Variants in CNNM3 observed in about 807,000 individuals in gnomAD.
The protein encoded by CNNM3 is cyclin and CBS domain divalent metal cation transport mediator 3, also known as metal transporter CNNM3.
In CNNM3, 47 loss-of-function variants were observed where a neutral mutation model predicts 57.1. The observed-to-expected ratio is 0.82, with a 90% CI of 0.65 to 1.05. CNNM3 has a LOEUF of 1.05. Among genes scored for constraint, CNNM3 ranks in the 50% least tolerant of loss-of-function variants. The pLI is 0.00. For missense variants in CNNM3, 957 were observed against 973.7 expected (o/e 0.98, Z 0.23); for synonymous variants, 507 against 478.2 (o/e 1.06, Z -0.79).
intron 1 of CNNM3, among the ~76,000 whole-genome samples, chr2:96,820,558 AAGG>A (rs2079390316): frequency 1.3e-5 from 2 of 152,140 alleles, no homozygotes; most frequent in Non-Finnish European, 2.9e-5. Flanking sequence ...AAGACCAAGG[AAGG>A]AGGAGTTCCC....
intron 1 of CNNM3, among the ~76,000 whole-genome samples, chr2:96,824,105 G>C (rs1166144962): frequency 6.6e-6 from 1 of 152,100 alleles, no homozygotes; most frequent in Non-Finnish European, 1.5e-5. Context: ...TAGGTGGCTT[G>C]CATTCTGTTT....
At chr2:96,825,014 G>A (rs538333405) in intron 1 of CNNM3, 44 bp from the exon 2 acceptor site, 4 of 1,608,344 alleles carry the variant, frequency 2.5e-6, no homozygotes, top group African/African-American at 2.7e-5. Context: ...AATCAAACTG[G>A]GGGGGGCCCA....
At chr2:96,837,150 A>AT (rs1485621874), downstream of CNNM3, 1 of 152,186 alleles carries the variant, frequency 6.6e-6, no homozygotes, top group Non-Finnish European at 1.5e-5. Context: ...AGCTGGACTG[A>AT]TTCCTCCTCT....
intron 1 of CNNM3, among the ~76,000 whole-genome samples, chr2:96,820,874 G>A (rs1397389553): frequency 6.6e-6 from 1 of 152,196 alleles, no homozygotes; most frequent in East Asian, 1.9e-4. Flanking sequence ...TTGAAATGCA[G>A]GTTGAAATGT....
chr2:96,816,354 A>C lies in CNNM3; in HGVS notation c.77A>C (p.Glu26Ala). ...CTCTGCCTGGGCAACGCCGCGGGGG[A>C]GGCCGCGCCGGGCCCGCGAGTGCTG... ...AALCLGNAAG[E>A]AAPGPRVLGF... Residue 26 changes from glutamate to alanine, a missense_variant, in exon 1 of 8, where the codon GAG becomes GCG. This residue lies in a region of CNNM3 where 466 missense variants were observed against 403.1 expected (regional missense o/e 1.16). Coordinates refer to ENST00000305510, the MANE Select transcript of CNNM3 (RefSeq NM_017623.5). The C allele has an allele frequency of 1.5e-6, 2 of 1,290,704 alleles. No individual in the cohort carries two copies. The highest frequency in any genetic ancestry group is 2.0e-6 in the Non-Finnish European group (2 of 1,018,640). 80.0% of individuals were successfully genotyped at this position (1,290,704 alleles called of 1,614,324 possible). A position where few individuals can be genotyped will look rare whatever the true frequency, so the allele number is the denominator to read the frequency against.
In CNNM3 at chr2:96,816,371, C is replaced by A; in HGVS notation, c.94C>A (p.Arg32=). 4 of 1,329,066 alleles carry A rather than the reference C, an allele frequency of 3.0e-6. No homozygotes were observed. Among genetic ancestry groups the A allele is most frequent in the Non-Finnish European group, 2.9e-6 (3 of 1,039,088 alleles). The allele number at this position is 1,329,066 out of a possible 1,614,324, so 82.3% of individuals were successfully genotyped here. ...CGCGGGGGAGGCCGCGCCGGGCCCG[C>A]GAGTGCTGGGCTTCTGCCTGGAGGA... ...NAAGEAAPGP[R]VLGFCLEEDG... Residue 32 remains arginine (R), a synonymous_variant, in exon 1 of 8, where the codon CGA becomes AGA. Transcript: ENST00000305510.
chr2:96,831,103 G>A (rs143934733), intron 7 of CNNM3, among the ~76,000 whole-genome samples: 14 of 152,222 alleles, frequency 9.2e-5, no homozygotes, highest in African/African-American at 2.4e-4. Context: ...TCACTGGGCC[G>A]TCCTGTAAGA....
At chr2:96,829,243 C>G in intron 7 of CNNM3, 109 bp downstream of exon 7, 4 of 1,348,778 alleles carry the variant, frequency 3.0e-6, no homozygotes, top group Non-Finnish European at 3.8e-6. Flanking sequence ...TTTTTTCTCT[C>G]TTTTCTCCCC....
At chr2:96,827,455 G>A (rs1227066949) in intron 3 of CNNM3, among the ~76,000 whole-genome samples, 1 of 151,856 alleles carries the variant, frequency 6.6e-6, no homozygotes, top group African/African-American at 2.4e-5. Flanking sequence ...TTTAGTAGAG[G>A]CGGGGTTTTG....
intron 7 of CNNM3, 161 bp from the exon 8 acceptor site, chr2:96,832,391 C>G: frequency 2.0e-6 from 3 of 1,502,356 alleles, no homozygotes; most frequent in Non-Finnish European, 2.7e-6. Context: ...GGCTGACCAT[C>G]TGCTAACCAG....
intron 4 of CNNM3, 27 bp downstream of exon 4, chr2:96,827,927 C>T (rs1414207138): frequency 3.7e-6 from 6 of 1,603,668 alleles, no homozygotes; most frequent in Non-Finnish European, 5.1e-6. Context: ...GGCCTGGAGT[C>T]CCTCCTGCTT....
chr2:96,834,672 C>T lies in CNNM3; in HGVS notation c.*2056C>T, dbSNP rs995661648. On this transcript the variant is annotated 3_prime_UTR_variant, in exon 8 of 8. Coordinates refer to ENST00000305510, the MANE Select transcript of CNNM3 (RefSeq NM_017623.5). ...ATTCACAGAAGTTTCATACACCTTT[C>T]ACCCAGGTTCCCCTAATGTTAACAG... is the stretch of plus-strand genomic sequence containing the variant. Among the ~76,000 whole-genome samples, 2 of 152,082 alleles carry T rather than the reference C, an allele frequency of 1.3e-5. No homozygotes were observed. Among genetic ancestry groups the T allele is most frequent in the Admixed American group, 1.3e-4 (2 of 15,264 alleles).
intron 7 of CNNM3, among the ~76,000 whole-genome samples, chr2:96,831,225 C>T (rs1422569699): frequency 6.6e-6 from 1 of 152,210 alleles, no homozygotes; most frequent in African/African-American, 2.4e-5. Context: ...TTCAGTGAGG[C>T]TGGCCTGCTG....
At chr2:96,836,631 C>T (rs1482278082), downstream of CNNM3, 2 of 152,218 alleles carry the variant, frequency 1.3e-5, no homozygotes, top group Non-Finnish European at 2.9e-5. Flanking sequence ...CTGCCTGCCT[C>T]AACCTCCCAA....
chr2:96,821,212 T>C (rs186346608), intron 1 of CNNM3, among the ~76,000 whole-genome samples: 1 of 152,304 alleles, frequency 6.6e-6, no homozygotes, highest in East Asian at 1.9e-4. Flanking sequence ...TCTGCTTCTC[T>C]AGTTCAGTGC....
Position 96,827,818 on chromosome 2 carries a change from T to A in CNNM3, c.1607T>A (p.Phe536Tyr), listed in dbSNP as rs890225259. The A allele has an allele frequency of 6.2e-7, 1 of 1,614,068 alleles. No individual in the cohort carries two copies. The highest frequency in any genetic ancestry group is 8.5e-7 in the Non-Finnish European group (1 of 1,180,036). Residue 536 changes from phenylalanine to tyrosine, a missense_variant, in exon 4 of 8, where the codon TTT (phenylalanine) becomes TAT (tyrosine). Coordinates refer to ENST00000305510, the MANE Select transcript of CNNM3 (RefSeq NM_017623.5). ...KHPSVNQEVRFDESNRLATHH... is the reference protein window; with the variant it reads ...KHPSVNQEVRYDESNRLATHH... ...CCCAGTGTCAACCAGGAAGTGAGGT[T>A]TGACGAGAGCAACCGGCTGGCCACA...
At chr2:96,820,746 T>G (rs2079392590) in intron 1 of CNNM3, among the ~76,000 whole-genome samples, 1 of 152,128 alleles carries the variant, frequency 6.6e-6, no homozygotes, top group Admixed American at 6.5e-5. Context: ...CGAGAACCAA[T>G]GTAGACAGCC....
rs2079472970 is a variant in CNNM3, at chr2:96,824,937, G to C, written c.1226-121G>C. The C allele has an allele frequency of 2.7e-6, 3 of 1,092,910 alleles. No homozygotes were observed. In the East Asian group the frequency reaches 7.6e-5, roughly 28 times the overall value. 67.7% of individuals were successfully genotyped at this position (1,092,910 alleles called of 1,614,324 possible). On this transcript the variant is annotated intron_variant, in intron 1 of 7. Coordinates refer to ENST00000305510, the MANE Select transcript of CNNM3 (RefSeq NM_017623.5). ...AACCTAGAAAAGAGTGTGGCTCTGT[G>C]CCTGGCACGTTGTAGGAGCATGAAC...
intron 3 of CNNM3, 27 bp downstream of exon 3, chr2:96,827,009 C>T (rs1214508353): frequency 5.0e-6 from 8 of 1,609,228 alleles, no homozygotes; most frequent in Non-Finnish European, 5.9e-6. Context: ...GTCCATGCCC[C>T]CTGCTCTCCT....
Sources: allele counts gnomAD v4.1 joint callset (sites outside exome capture counted in the v4.1 genomes callset), GRCh38; gene constraint gnomAD v4.1.1; regional missense constraint gnomAD v4.1.1; transcripts MANE v1.5; gene names NCBI Gene and HGNC (gene_info 2026-07-23, HGNC 2026-07-21).